Variants in INPP4B observed in about 807,000 individuals in gnomAD.
INPP4B encodes inositol polyphosphate-4-phosphatase type II B.
INPP4B carries 55 observed loss-of-function variants against 122.5 expected under a neutral mutation model. The observed-to-expected ratio is 0.45, with a 90% CI of 0.36 to 0.56. The LOEUF is 0.56. Among genes scored for constraint, INPP4B ranks in the 20% least tolerant of loss-of-function variants. The probability of loss-of-function intolerance (pLI) is 0.00; values close to 1 mark genes in which losing one functional copy is unlikely to be tolerated. For missense variants in INPP4B, 1,000 were observed against 1,097.7 expected (o/e 0.91, Z 1.26); for synonymous variants, 403 against 388.7 (o/e 1.04, Z -0.43).
At chr4:142,579,234 T>G (rs1734490669) in intron 2 of INPP4B, among the ~76,000 whole-genome samples, 1 of 151,926 alleles carries the variant, frequency 6.6e-6, no homozygotes, top group African/African-American at 2.4e-5. Context: ...TTATAAAAAG[T>G]GATAAATGCT....
At chr4:142,674,308 G>A (rs1446592608) in intron 2 of INPP4B, among the ~76,000 whole-genome samples, 1 of 152,078 alleles carries the variant, frequency 6.6e-6, no homozygotes, top group Non-Finnish European at 1.5e-5. Flanking sequence ...GTCCAAAGAT[G>A]TACCTGCATG....
chr4:142,522,562 C>T (rs895642725), intron 2 of INPP4B, among the ~76,000 whole-genome samples: 1 of 151,974 alleles, frequency 6.6e-6, no homozygotes, highest in Non-Finnish European at 1.5e-5. Context: ...AGTTCCAATG[C>T]TATATCATCA....
At chr4:142,807,205 G>A (rs1409855729) in intron 1 of INPP4B, among the ~76,000 whole-genome samples, 1 of 151,994 alleles carries the variant, frequency 6.6e-6, no homozygotes, top group Non-Finnish European at 1.5e-5. Context: ...TGTAAGGGAG[G>A]CGTGAAACAT....
At chr4:142,560,853 A>C (rs1730316156) in intron 2 of INPP4B, among the ~76,000 whole-genome samples, 1 of 152,140 alleles carries the variant, frequency 6.6e-6, no homozygotes, top group Non-Finnish European at 1.5e-5. Context: ...CCACAGACAC[A>C]CCCAGGAACA....
chr4:142,378,378 C>T (rs989354086), intron 7 of INPP4B, among the ~76,000 whole-genome samples: 2 of 152,240 alleles, frequency 1.3e-5, no homozygotes, highest in African/African-American at 2.4e-5. Context: ...AAACCTTGCT[C>T]GGGCACCCAT....
chr4:142,333,606 G>T (rs1775513734), intron 7 of INPP4B, among the ~76,000 whole-genome samples: 1 of 152,292 alleles, frequency 6.6e-6, no homozygotes, highest in African/African-American at 2.4e-5. Context: ...TAATTCAACA[G>T]TGTAAGTTAA....
intron 16 of INPP4B, among the ~76,000 whole-genome samples, chr4:142,163,620 T>C (rs2152918650): frequency 6.6e-6 from 1 of 151,996 alleles, no homozygotes; most frequent in African/African-American, 2.4e-5. Context: ...CTCATGTTAG[T>C]CTCTTACTGT....
chr4:142,109,318 T>C (rs774775159), intron 22 of INPP4B, among the ~76,000 whole-genome samples: 2 of 152,168 alleles, frequency 1.3e-5, no homozygotes, highest in Admixed American at 6.6e-5. Context: ...AATTCATCTA[T>C]ACAAAAAATA....
At chr4:142,640,193 C>T (rs944633022) in intron 2 of INPP4B, among the ~76,000 whole-genome samples, 1 of 151,494 alleles carries the variant, frequency 6.6e-6, no homozygotes, top group Non-Finnish European at 1.5e-5. Context: ...CCAATGGTAC[C>T]TAACAAACTA....
At chr4:142,178,303 A>G (rs1402416337) in intron 15 of INPP4B, among the ~76,000 whole-genome samples, 1 of 152,164 alleles carries the variant, frequency 6.6e-6, no homozygotes, top group Non-Finnish European at 1.5e-5. Flanking sequence ...CAACCACCCC[A>G]ACATTTCTAC....
At chr4:142,357,539 C>T (rs576402980) in intron 7 of INPP4B, among the ~76,000 whole-genome samples, 1 of 151,972 alleles carries the variant, frequency 6.6e-6, no homozygotes, top group African/African-American at 2.4e-5. Flanking sequence ...GGCAGACACT[C>T]AAACCTCCCT....
At chr4:142,251,217 T>C (rs1731851708) in intron 11 of INPP4B, among the ~76,000 whole-genome samples, 1 of 152,296 alleles carries the variant, frequency 6.6e-6, no homozygotes, top group African/African-American at 2.4e-5. Context: ...TTTGTGCATA[T>C]AAAAAAGTTA....
intron 2 of INPP4B, among the ~76,000 whole-genome samples, chr4:142,602,138 G>A (rs1354487766): frequency 7.2e-5 from 11 of 151,864 alleles, no homozygotes; most frequent in Admixed American, 2.0e-4. Flanking sequence ...AAAGTCTCAG[G>A]ATAAAAAAAT....
Position 142,695,018 on chromosome 4 carries a change from A to G in INPP4B, c.-191+30821T>C, listed in dbSNP as rs1414267253. On this transcript the variant is annotated intron_variant, in intron 2 of 25. Coordinates refer to ENST00000262992, the MANE Select transcript of INPP4B (RefSeq NM_001101669.3). ...GTAGGGGTATTATTCTGCACCTATA[A>G]AGTCAAGGATATTTGCACAAATAGC... is the stretch of plus-strand genomic sequence containing the variant. 2.0e-5 allele frequency among the ~76,000 whole-genome samples: 3 copies of G among 152,100 alleles called. No individual in the cohort carries two copies. In the East Asian group the frequency reaches 5.8e-4, roughly 29 times the overall value.
chr4:142,733,246 C>T (rs891434709), intron 1 of INPP4B, among the ~76,000 whole-genome samples: 12 of 152,018 alleles, frequency 7.9e-5, no homozygotes, highest in Non-Finnish European at 1.6e-4. Flanking sequence ...TGGGGCAGAT[C>T]GTGATTTCTT....
chr4:142,770,982 A>G (rs141401686), intron 1 of INPP4B, among the ~76,000 whole-genome samples: 2 of 151,942 alleles, frequency 1.3e-5, no homozygotes, highest in South Asian at 4.2e-4. Context: ...TATTGTAGAT[A>G]TCTCATTCTA....
intron 2 of INPP4B, among the ~76,000 whole-genome samples, chr4:142,629,234 A>G (rs1218746186): frequency 6.6e-6 from 1 of 152,096 alleles, no homozygotes; most frequent in Non-Finnish European, 1.5e-5. Context: ...TTGAATGATC[A>G]TTGAGCTGAG....
chr4:142,262,167 A>G (rs1002648187), intron 10 of INPP4B, among the ~76,000 whole-genome samples: 2 of 152,204 alleles, frequency 1.3e-5, no homozygotes, highest in African/African-American at 4.8e-5. Flanking sequence ...TCAACGTTAT[A>G]TTCATCATAT....
At chr4:142,637,009 CTTAT>C (rs1361341901) in intron 2 of INPP4B, among the ~76,000 whole-genome samples, 5 of 152,018 alleles carry the variant, frequency 3.3e-5, no homozygotes, top group East Asian at 1.9e-4. Context: ...GGGTCATACT[CTTAT>C]TTATTTTTTA....
Sources: allele counts gnomAD v4.1 joint callset (sites outside exome capture counted in the v4.1 genomes callset), GRCh38; gene constraint gnomAD v4.1.1; transcripts MANE v1.5; gene names NCBI Gene and HGNC (gene_info 2026-07-23, HGNC 2026-07-21).